Variants in BTBD16 observed in about 807,000 individuals in gnomAD.
The protein encoded by BTBD16 is BTB domain containing 16.
In BTBD16, 66 loss-of-function variants were observed where a neutral mutation model predicts 67.4. The ratio of observed to expected loss-of-function variants is 0.98; its 90% CI spans 0.80 to 1.20. The LOEUF is 1.20. Ranked by LOEUF, BTBD16 falls within the 50% of genes most tolerant of loss-of-function variation. The pLI, the probability that BTBD16 is intolerant of heterozygous loss-of-function variation, is 0.00. For missense variants in BTBD16, 634 were observed against 616.0 expected (o/e 1.03, Z -0.31); for synonymous variants, 242 against 236.4 (o/e 1.02, Z -0.22).
At chr10:122,297,897 A>G in intron 8 of BTBD16, 60 bp downstream of exon 8, 2 of 1,527,590 alleles carry the variant, frequency 1.3e-6, no homozygotes, top group South Asian at 1.1e-5. Flanking sequence ...AGCAGCCTAG[A>G]TGCTGGGATT....
At chr10:122,300,194 G>A (rs2096391193) in intron 9 of BTBD16, among the ~76,000 whole-genome samples, 1 of 152,116 alleles carries the variant, frequency 6.6e-6, no homozygotes, top group Non-Finnish European at 1.5e-5. Flanking sequence ...AAGTTACTAA[G>A]TCAAAAGAAC....
intron 10 of BTBD16, among the ~76,000 whole-genome samples, chr10:122,322,558 A>G (rs1349498137): frequency 6.6e-6 from 1 of 152,042 alleles, no homozygotes; most frequent in African/African-American, 2.4e-5. Flanking sequence ...AAGAGAATTA[A>G]TTATTCATCT....
At chr10:122,328,785 T>C (rs996263784) in intron 10 of BTBD16, 1 of 985,310 alleles carries the variant, frequency 1.0e-6, no homozygotes, top group Non-Finnish European at 1.2e-6. Flanking sequence ...AGGGAATGCG[T>C]GTCTGTGTGT....
At chr10:122,332,319 A>T in intron 12 of BTBD16, 117 bp from the exon 13 acceptor site, 1 of 864,198 alleles carries the variant, frequency 1.2e-6, no homozygotes, top group Non-Finnish European at 1.8e-6. Context: ...CTAGAGGCAA[A>T]ACTCTTTTTC....
At position 122,329,376 on chromosome 10, in the gene BTBD16, C is replaced by T. The variant is rs2096451040; in HGVS notation, c.912-104C>T. The T allele has an allele frequency of 1.3e-5, 14 of 1,065,948 alleles. No homozygotes were observed. In the Admixed American group the frequency reaches 2.3e-4, roughly 18 times the overall value. The allele number at this position is 1,065,948 out of a possible 1,614,324, so 66.0% of individuals were successfully genotyped here. A position where few individuals can be genotyped will look rare whatever the true frequency, so the allele number is the denominator to read the frequency against. On this transcript the variant is annotated intron_variant, in intron 10 of 15. Transcript: ENST00000260723. ...GGACCGAGGCCCCATCTCCCCCTGG[C>T]TAGTGAAGCCACTAGTCTCTACAAC...
At chr10:122,283,678 A>G (rs1210039903) in intron 3 of BTBD16, among the ~76,000 whole-genome samples, 173 bp from the exon 4 acceptor site, 1 of 152,174 alleles carries the variant, frequency 6.6e-6, no homozygotes, top group Admixed American at 6.5e-5. Flanking sequence ...CAGAAAGCCT[A>G]CAGTTTTTCA....
At chr10:122,329,138 A>G (rs1452400309) in intron 10 of BTBD16, among the ~76,000 whole-genome samples, 2 of 152,158 alleles carry the variant, frequency 1.3e-5, no homozygotes, top group Non-Finnish European at 2.9e-5. Context: ...GTGAGACTCA[A>G]GTGAGAAAAT....
At chr10:122,308,436 C>T (rs751639905) in intron 10 of BTBD16, among the ~76,000 whole-genome samples, 2 of 152,186 alleles carry the variant, frequency 1.3e-5, no homozygotes, top group African/African-American at 4.8e-5. Flanking sequence ...TTTCCCCAAG[C>T]CCCCTGATCC....
In BTBD16 at chr10:122,331,223, T is replaced by C. The variant is rs762558720; in HGVS notation, c.1051T>C (p.Trp351Arg). ...LRHLNFFPES[W>R]LDQVTVNHYH... is the part of the protein sequence containing the mutation. ...GCACCTTAACTTCTTCCCAGAGTCA[T>C]GGCTCGACCAGGTTACAGTCAACCA... The change falls in exon 12 of 16, where the codon TGG (tryptophan) becomes CGG (arginine). Residue 351 changes from tryptophan (W) to arginine (R), a missense_variant. Transcript: ENST00000260723. 1.2e-6 allele frequency: 2 copies of C among 1,613,962 alleles called. No individual in the cohort carries two copies. The highest frequency in any genetic ancestry group is 1.7e-6 in the Non-Finnish European group (2 of 1,179,942).
At chr10:122,284,424 G>A (rs1274676116) in intron 4 of BTBD16, among the ~76,000 whole-genome samples, 1 of 150,646 alleles carries the variant, frequency 6.6e-6, no homozygotes, top group African/African-American at 2.4e-5. Context: ...ACTCCAGCCT[G>A]GGTGACAGAG....
At chr10:122,291,284 C>A in intron 7 of BTBD16, 90 bp downstream of exon 7, 1 of 1,496,922 alleles carries the variant, frequency 6.7e-7, no homozygotes, top group South Asian at 1.3e-5. Context: ...CATTCCTCTT[C>A]ATTGGGCTAA....
intron 7 of BTBD16, among the ~76,000 whole-genome samples, chr10:122,292,689 T>C (rs938727963): frequency 3.3e-5 from 5 of 152,354 alleles, no homozygotes; most frequent in African/African-American, 1.2e-4. Context: ...TAGGCTCCTC[T>C]GGGAGGCCAA....
chr10:122,335,023 T>C, intron 14 of BTBD16, 44 bp downstream of exon 14: 1 of 881,008 alleles, frequency 1.1e-6, no homozygotes, highest in Non-Finnish European at 1.8e-6. Flanking sequence ...AGACAGTCTT[T>C]TAGAGTTAGA....
intron 2 of BTBD16, 31 bp from the exon 3 acceptor site, chr10:122,276,760 G>A: frequency 6.3e-7 from 1 of 1,597,370 alleles, no homozygotes; most frequent in Non-Finnish European, 8.5e-7. Context: ...TAGAAAAAAA[G>A]ATGTCTTCTC....
intron 10 of BTBD16, among the ~76,000 whole-genome samples, chr10:122,324,994 TGACA>T (rs992187545): frequency 1.1e-4 from 16 of 152,204 alleles, no homozygotes; most frequent in African/African-American, 3.4e-4. Context: ...AGGACCATCT[TGACA>T]GACAGAAGGA....
At position 122,336,690 on chromosome 10, in the gene BTBD16, T is replaced by C; in HGVS notation, c.1452+8T>C. 1 of 1,568,966 alleles carries C rather than the reference T, an allele frequency of 6.4e-7. No individual in the cohort carries two copies. The highest frequency in any genetic ancestry group is 8.6e-7 in the Non-Finnish European group (1 of 1,163,392). ...TCATCCTGCAAAAGCCATGCAAGTGTTCACGTTGTCTTTTCCTTTATTTCC... is the reference window on the plus strand; with the variant it reads ...TCATCCTGCAAAAGCCATGCAAGTGCTCACGTTGTCTTTTCCTTTATTTCC... On this transcript the variant is annotated splice_region_variant and intron_variant, in intron 15 of 15. Transcript: ENST00000260723.
intron 14 of BTBD16, among the ~76,000 whole-genome samples, chr10:122,335,691 AG>A (rs1396463865): frequency 1.3e-5 from 2 of 152,222 alleles, no homozygotes; most frequent in Admixed American, 1.3e-4. Context: ...AGGGAAGATG[AG>A]GATGATGATG....
chr10:122,332,645 G>C (rs1264685182), intron 13 of BTBD16, 132 bp downstream of exon 13: 1 of 1,059,704 alleles, frequency 9.4e-7, no homozygotes, highest in Admixed American at 2.9e-5. Flanking sequence ...AGAACCACAG[G>C]TGTCTCTCCT....
intron 12 of BTBD16, among the ~76,000 whole-genome samples, chr10:122,331,626 G>A (rs756997266): frequency 6.6e-6 from 1 of 152,152 alleles, no homozygotes; most frequent in African/African-American, 2.4e-5. Context: ...GGGAACAACC[G>A]CGTCTCATTT....
Sources: gnomAD v4.1 joint callset for allele counts (sites outside exome capture counted in the v4.1 genomes callset) on GRCh38, gnomAD v4.1.1 for gene constraint, MANE v1.5 for transcripts, NCBI Gene and HGNC (gene_info 2026-07-23, HGNC 2026-07-21) for gene names.